The following NAALAD2 variants were observed in gnomAD, a reference collection of about 807,000 sequenced individuals.
NAALAD2 encodes N-acetylated-alpha-linked acidic dipeptidase 2.
Under a neutral mutation model 95.6 loss-of-function variants are expected in NAALAD2, and 89 were observed. That is an observed-to-expected ratio of 0.93 (90% confidence interval 0.78 to 1.11). NAALAD2 has a LOEUF of 1.11. Among genes scored for constraint, NAALAD2 ranks in the 50% least tolerant of loss-of-function variants. NAALAD2 has a pLI of 0.00. For missense variants in NAALAD2, 894 were observed against 872.4 expected, an observed-to-expected ratio of 1.02 and a Z score of -0.31; for synonymous variants, 264 against 294.4, an observed-to-expected ratio of 0.90 and a Z score of 1.06.
intron 7 of NAALAD2, 124 bp from the exon 8 acceptor site, chr11:90,159,115 C>T (rs924948370): frequency 2.6e-6 from 2 of 759,698 alleles, no homozygotes; most frequent in Middle Eastern, 3.2e-4. Context: ...TTTGACAGTA[C>T]CTGGCACTTA....
In NAALAD2 at chr11:90,152,287, T is replaced by A. The variant is rs766105688; in HGVS notation, c.610-11T>A. 2.5e-6 allele frequency: 4 copies of A among 1,576,608 alleles called. No individual in the cohort carries two copies. In the South Asian group the frequency reaches 3.4e-5, roughly 14 times the overall value. ...CATATCTGCATTATGAATTGCACAT[T>A]GCCCCTGCAGGTTAAAAATGCCATG... On this transcript the variant is annotated splice_polypyrimidine_tract_variant and intron_variant, in intron 5 of 18. Coordinates refer to ENST00000534061, the MANE Select transcript of NAALAD2 (RefSeq NM_005467.4).
At chr11:90,134,999 C>T (rs1951419171) in intron 1 of NAALAD2, 159 bp downstream of exon 1, 2 of 679,410 alleles carry the variant, frequency 2.9e-6, no homozygotes, top group Non-Finnish European at 5.0e-6. Flanking sequence ...AACTAGAAAC[C>T]AGATGGAATG....
chr11:90,183,863 G>C (rs1340269489), intron 18 of NAALAD2, among the ~76,000 whole-genome samples: 3 of 152,118 alleles, frequency 2.0e-5, no homozygotes, highest in African/African-American at 7.2e-5. Context: ...TTCAGTTTAT[G>C]ATGGTTTTAT....
intron 17 of NAALAD2, among the ~76,000 whole-genome samples, chr11:90,182,217 G>C (rs1411027203): frequency 6.6e-6 from 1 of 151,772 alleles, no homozygotes; most frequent in African/African-American, 2.4e-5. Context: ...CTTTCACATT[G>C]AAAATAGTTT....
At chr11:90,135,708 T>G in intron 2 of NAALAD2, 38 bp downstream of exon 2, 1 of 1,535,478 alleles carries the variant, frequency 6.5e-7, no homozygotes. Flanking sequence ...AAAAATCATG[T>G]TTAAAATATC....
chr11:90,163,886 A>C, intron 11 of NAALAD2: 1 of 470,918 alleles, frequency 2.1e-6, no homozygotes. Context: ...AAGAAAAATC[A>C]GTAAGCTCAG....
intron 18 of NAALAD2, among the ~76,000 whole-genome samples, chr11:90,183,776 A>G (rs1857038459): frequency 6.6e-6 from 1 of 152,182 alleles, no homozygotes; most frequent in African/African-American, 2.4e-5. Flanking sequence ...TGTTCTGAGC[A>G]CATTTAAGGT....
In NAALAD2 at chr11:90,158,133, T is replaced by G. The variant is rs1952177346; in HGVS notation, c.797-12T>G. 1 of 1,576,932 alleles carries G rather than the reference T, an allele frequency of 6.3e-7. No individual in the cohort carries two copies. Among genetic ancestry groups the G allele is most frequent in the Non-Finnish European group, 8.7e-7 (1 of 1,151,342 alleles). On this transcript the variant is annotated splice_polypyrimidine_tract_variant and intron_variant, in intron 6 of 18. Coordinates refer to ENST00000534061, the MANE Select transcript of NAALAD2 (RefSeq NM_005467.4). ...TTAAATTGTTTTCATTTTATGCATT[T>G]GATTTTTTTAGAATACACTTTCAGA...
intron 18 of NAALAD2, among the ~76,000 whole-genome samples, chr11:90,188,335 T>TA (rs1171406452): frequency 6.6e-6 from 1 of 152,206 alleles, no homozygotes; most frequent in Non-Finnish European, 1.5e-5. Context: ...GTGGAACATA[T>TA]AAAACATTCT....
At chr11:90,173,706 TATAC>T (rs1952706448) in intron 13 of NAALAD2, 114 bp from the exon 14 acceptor site, 1 of 601,724 alleles carries the variant, frequency 1.7e-6, no homozygotes, top group African/African-American at 1.9e-5. Context: ...TGTATAAATA[TATAC>T]ATGTACATAT....
chr11:90,152,490 G>T lies in NAALAD2; in HGVS notation c.796+6G>T. On this transcript the variant is annotated splice_donor_region_variant and intron_variant, in intron 6 of 18. Coordinates refer to ENST00000534061, the MANE Select transcript of NAALAD2 (RefSeq NM_005467.4). ...TCCAGGCTATCCAGCAAAAGGTAAGGGATGAGCCTATCAGTCCACCAATTT... is the reference window on the plus strand; with the variant it reads ...TCCAGGCTATCCAGCAAAAGGTAAGTGATGAGCCTATCAGTCCACCAATTT... The T allele has an allele frequency of 6.3e-7, 1 of 1,596,542 alleles. No individual in the cohort carries two copies. Among genetic ancestry groups the T allele is most frequent in the South Asian group, 1.1e-5 (1 of 89,706 alleles).
At chr11:90,181,540 A>G in intron 16 of NAALAD2, 80 bp from the exon 17 acceptor site, 1 of 912,192 alleles carries the variant, frequency 1.1e-6, no homozygotes, top group Non-Finnish European at 1.8e-6. Flanking sequence ...TGGTCATATC[A>G]ATCTGGAATG....
At chr11:90,181,502 CAGT>C (rs1952966875) in intron 16 of NAALAD2, 115 bp from the exon 17 acceptor site, 1 of 673,630 alleles carries the variant, frequency 1.5e-6, no homozygotes. Flanking sequence ...CAAGAAGACT[CAGT>C]AGAAAAATGG....
At chr11:90,188,444 T>C (rs555993603) in intron 18 of NAALAD2, among the ~76,000 whole-genome samples, 114 of 152,296 alleles carry the variant, frequency 7.5e-4, no homozygotes, top group African/African-American at 2.6e-3. Context: ...ACTGGGTAAT[T>C]TATAAAAAAC....
At chr11:90,179,968 G>T (rs1390432073) in intron 16 of NAALAD2, among the ~76,000 whole-genome samples, 1 of 152,060 alleles carries the variant, frequency 6.6e-6, no homozygotes, top group Non-Finnish European at 1.5e-5. Flanking sequence ...TCTTCTGCCT[G>T]ATGTGTCCCA....
intron 5 of NAALAD2, 146 bp downstream of exon 5, chr11:90,150,753 C>T: frequency 1.8e-6 from 1 of 547,094 alleles, no homozygotes; most frequent in Non-Finnish European, 2.7e-6. Flanking sequence ...TACACGGAAA[C>T]TCATGTTTTT....
At chr11:90,142,092 T>C (rs1053716156) in intron 2 of NAALAD2, among the ~76,000 whole-genome samples, 6 of 152,124 alleles carry the variant, frequency 3.9e-5, no homozygotes, top group African/African-American at 1.4e-4. Context: ...ATTCCAAGAC[T>C]GCTGAGGGTT....
At chr11:90,155,368 TA>T in intron 6 of NAALAD2, among the ~76,000 whole-genome samples, 4 of 79,052 alleles carry the variant, frequency 5.1e-5, no homozygotes, top group Non-Finnish European at 8.6e-5. Flanking sequence ...GTATAATATG[TA>T]ATATTACATA....
intron 11 of NAALAD2, among the ~76,000 whole-genome samples, 187 bp from the exon 12 acceptor site, chr11:90,168,742 T>C (rs888684512): frequency 1.3e-5 from 2 of 152,178 alleles, no homozygotes; most frequent in African/African-American, 4.8e-5. Context: ...CTTATATTAA[T>C]TGCGTAATTG....
Sources: allele counts gnomAD v4.1 joint callset (sites outside exome capture counted in the v4.1 genomes callset), GRCh38; gene constraint gnomAD v4.1.1; transcripts MANE v1.5; gene names NCBI Gene and HGNC (gene_info 2026-07-23, HGNC 2026-07-21).